Variants in VPS39 observed in about 807,000 individuals in gnomAD.
VPS39 encodes vam6/Vps39-like protein.
Under a neutral mutation model 121.0 loss-of-function variants are expected in VPS39, and 70 were observed. That is an observed-to-expected ratio of 0.58 (90% CI 0.48 to 0.71). The LOEUF is 0.71. Among genes scored for constraint, VPS39 ranks in the 30% least tolerant of loss-of-function variants. The pLI is 0.00. For synonymous variants in VPS39, 378 were observed against 398.1 expected (o/e 0.95, Z 0.60); for missense variants, 818 against 1,051.5 (o/e 0.78, Z 3.07).
intron 2 of VPS39, among the ~76,000 whole-genome samples, chr15:42,195,660 C>T (rs377031768): frequency 2.0e-4 from 31 of 152,036 alleles, no homozygotes; most frequent in African/African-American, 2.7e-4. Flanking sequence ...CACTGCTCAA[C>T]GAAATAAAAG....
At chr15:42,191,076 A>G (rs1382906988) in intron 4 of VPS39, 49 bp downstream of exon 4, 2 of 1,595,654 alleles carry the variant, frequency 1.3e-6, no homozygotes, top group South Asian at 1.1e-5. Flanking sequence ...TAATTAGGTC[A>G]TATCTTTTCT....
chr15:42,188,712 G>A (rs2049756789), intron 5 of VPS39, among the ~76,000 whole-genome samples: 1 of 152,152 alleles, frequency 6.6e-6, no homozygotes, highest in East Asian at 1.9e-4. Context: ...GCTCATGCCT[G>A]TAATCCCAGC....
intron 16 of VPS39, 127 bp downstream of exon 16, chr15:42,166,032 C>G (rs1197563045): frequency 9.1e-7 from 1 of 1,095,132 alleles, no homozygotes; most frequent in Non-Finnish European, 1.4e-6. Context: ...GCTTCCCAGT[C>G]CACCCTTTCT....
intron 1 of VPS39, among the ~76,000 whole-genome samples, chr15:42,202,241 C>T (rs1410980466): frequency 2.0e-5 from 3 of 152,236 alleles, no homozygotes; most frequent in South Asian, 4.1e-4. Flanking sequence ...TAGTATTTCT[C>T]CAGGATGATG....
chr15:42,168,491 C>T (rs1291021195), intron 12 of VPS39, among the ~76,000 whole-genome samples: 2 of 152,022 alleles, frequency 1.3e-5, no homozygotes, highest in African/African-American at 4.8e-5. Context: ...ACTCACTGAC[C>T]CAGAGGCAGG....
At chr15:42,167,205 A>G (rs1053299542) in intron 13 of VPS39, among the ~76,000 whole-genome samples, 189 bp downstream of exon 13, 6 of 152,242 alleles carry the variant, frequency 3.9e-5, no homozygotes, top group African/African-American at 7.2e-5. Context: ...ACAATTGTGC[A>G]TTGATATCTT....
At chr15:42,187,977 C>A in intron 5 of VPS39, 121 bp from the exon 6 acceptor site, 1 of 884,908 alleles carries the variant, frequency 1.1e-6, no homozygotes, top group South Asian at 1.5e-5. Flanking sequence ...GTAACACAGT[C>A]ATCCTGCCAG....
At position 42,178,442 on chromosome 15, in the gene VPS39, T is replaced by G; in HGVS notation, c.839+8A>C. 1 of 1,614,132 alleles carries G rather than the reference T, an allele frequency of 6.2e-7. No homozygotes were observed. The highest frequency in any genetic ancestry group is 8.5e-7 in the Non-Finnish European group (1 of 1,180,020). ...TATACAGCCATAGCAAAAAAAGAAA[T>G]TCCTTACCCTCCTGAGGTAATGAAA... On this transcript the variant is annotated splice_region_variant and intron_variant, in intron 9 of 24. Transcript: ENST00000318006.
intron 2 of VPS39, among the ~76,000 whole-genome samples, chr15:42,193,190 G>A (rs991869563): frequency 1.3e-5 from 2 of 151,666 alleles, no homozygotes; most frequent in African/African-American, 4.8e-5. Context: ...ACTTTTTTGG[G>A]GGTTATATAC....
rs527996154 is a variant in VPS39, at chr15:42,165,258, C to T, written c.1780-145G>A. 29 of 710,642 alleles carry T rather than the reference C, an allele frequency of 4.1e-5. No homozygotes were observed. In the East Asian group the frequency reaches 7.2e-4, roughly 18 times the overall value. 44.0% of individuals were successfully genotyped at this position (710,642 alleles called of 1,614,324 possible). A position where few individuals can be genotyped will look rare whatever the true frequency, so the allele number is the denominator to read the frequency against. The stretch of plus-strand genomic sequence containing the variant: ...CAAAGATGACTAAGAGACAGCTCGT[C>T]TAAAGCCACCAGGAAGTTTCACAAT... On this transcript the variant is annotated intron_variant, in intron 17 of 24. Coordinates refer to ENST00000318006, the MANE Select transcript of VPS39 (RefSeq NM_015289.5).
chr15:42,164,891 T>C, intron 18 of VPS39, 105 bp downstream of exon 18: 1 of 1,534,108 alleles, frequency 6.5e-7, no homozygotes, highest in Non-Finnish European at 8.7e-7. Flanking sequence ...TCTGCGCACC[T>C]GGGCAGAGAA....
At chr15:42,161,885 A>G in intron 23 of VPS39, 112 bp from the exon 24 acceptor site, 1 of 1,585,672 alleles carries the variant, frequency 6.3e-7, no homozygotes, top group Non-Finnish European at 8.6e-7. Flanking sequence ...TTCTGCTTAG[A>G]ACATTGGCAA....
chr15:42,160,719 A>G lies in VPS39; in HGVS notation c.*35T>C, dbSNP rs747891714. 6.3e-7 allele frequency: 1 copy of G among 1,593,990 alleles called. No individual in the cohort carries two copies. Among genetic ancestry groups the G allele is most frequent in the Non-Finnish European group, 8.6e-7 (1 of 1,161,636 alleles). ...CTCCTTCACCTCTCTGGGAGAGCCA[A>G]GCTGTCCATCCGCTGGATCCCCAGG... On this transcript the variant is annotated 3_prime_UTR_variant, in exon 25 of 25. Coordinates refer to ENST00000318006, the MANE Select transcript of VPS39 (RefSeq NM_015289.5).
Position 42,160,739 on chromosome 15 carries a change from C to G in VPS39, c.*15G>C, listed in dbSNP as rs374161853. The stretch of plus-strand genomic sequence containing the variant: ...AGCCAAGCTGTCCATCCGCTGGATC[C>G]CCAGGATGCTGGGCTCAAGTGTCAG... On this transcript the variant is annotated 3_prime_UTR_variant, in exon 25 of 25. Transcript: ENST00000318006. 219 of 1,612,618 alleles carry G rather than the reference C, an allele frequency of 1.4e-4. No homozygotes were observed. The highest frequency in any genetic ancestry group is 1.7e-4 in the Non-Finnish European group (201 of 1,178,756).
intron 1 of VPS39, among the ~76,000 whole-genome samples, chr15:42,205,275 T>C (rs995626516): frequency 5.9e-5 from 9 of 152,082 alleles, no homozygotes; most frequent in Non-Finnish European, 1.0e-4. Flanking sequence ...AAAATAACAG[T>C]AGATGGTGAC....
At chr15:42,187,439 C>T in intron 6 of VPS39, 76 bp from the exon 7 acceptor site, 2 of 1,359,058 alleles carry the variant, frequency 1.5e-6, no homozygotes, top group Non-Finnish European at 1.0e-6. Context: ...TATTCTGCAA[C>T]CTCCATTCTG....
chr15:42,173,901 G>A (rs2049395515), intron 10 of VPS39, 49 bp from the exon 11 acceptor site: 1 of 1,601,966 alleles, frequency 6.2e-7, no homozygotes, highest in African/African-American at 1.3e-5. Context: ...AACAAATATT[G>A]TTCAGTATGT....
In VPS39 at chr15:42,178,519, C is replaced by T. The variant is rs748655915; in HGVS notation, c.770G>A (p.Arg257Gln). Residue 257 changes from arginine to glutamine, a missense_variant, in exon 9 of 25, where the codon CGA becomes CAA. Arg to Gln is a conservative substitution (Grantham distance 43, BLOSUM62 1). Coordinates refer to ENST00000318006, the MANE Select transcript of VPS39 (RefSeq NM_015289.5). ...GACCAGAAGCCTCGGTTCAAATGTT[C>T]GGATCTCAACATATCGAGGCAACAC... is the stretch of plus-strand genomic sequence containing the variant. ...IAVLPRYVEI[R>Q]TFEPRLLVQS... The T allele has an allele frequency of 4.3e-6, 7 of 1,614,004 alleles. No individual in the cohort carries two copies. The highest frequency in any genetic ancestry group is 2.2e-5 in the South Asian group (2 of 91,084).
intron 1 of VPS39, among the ~76,000 whole-genome samples, chr15:42,201,412 A>C (rs966037212): frequency 9.2e-5 from 14 of 152,216 alleles, no homozygotes; most frequent in African/African-American, 3.4e-4. Context: ...TCTTGACCGC[A>C]AGCAATGCCC....
Sources: allele counts gnomAD v4.1 joint callset (sites outside exome capture counted in the v4.1 genomes callset), GRCh38; gene constraint gnomAD v4.1.1; transcripts MANE v1.5; gene names NCBI Gene and HGNC (gene_info 2026-07-23, HGNC 2026-07-21).